The following ZNF37A variants were observed in gnomAD, a reference collection of about 807,000 sequenced individuals.
ZNF37A encodes zinc finger protein 37a (KOX 21).
Under a neutral mutation model 12.3 loss-of-function variants are expected in ZNF37A, and 10 were observed. The ratio of observed to expected loss-of-function variants is 0.82; its 90% confidence interval spans 0.50 to 1.38. The LOEUF is 1.38. ZNF37A is among the 40% of genes most tolerant of loss of function. ZNF37A has a pLI of 0.00. For missense variants in ZNF37A, 580 were observed against 651.2 expected, an observed-to-expected ratio of 0.89 and a Z score of 1.19; for synonymous variants, 207 against 223.0, an observed-to-expected ratio of 0.93 and a Z score of 0.64.
At chr10:38,100,997 A>G (rs987205490) in intron 5 of ZNF37A, among the ~76,000 whole-genome samples, 3 of 152,216 alleles carry the variant, frequency 2.0e-5, no homozygotes, top group African/African-American at 7.2e-5. Flanking sequence ...TTCCTGCAAC[A>G]AAATGTCTGT....
At chr10:38,137,773 A>C (rs2070129252) in intron 7 of ZNF37A, 1 of 152,212 alleles carries the variant, frequency 6.6e-6, no homozygotes, top group African/African-American at 2.4e-5. Flanking sequence ...TGTCCCCTGG[A>C]AGCTGCAAGT....
chr10:38,109,702 A>G (rs12268280), intron 5 of ZNF37A, among the ~76,000 whole-genome samples: 3,688 of 152,298 alleles, frequency 0.024, 107 homozygotes, highest in African/African-American at 0.075. Context: ...CCAATAATAG[A>G]AAAACAGAGA....
chr10:38,112,785 CTTTTCTTTTCT>C (rs1564932474), intron 5 of ZNF37A, among the ~76,000 whole-genome samples: 1,118 of 51,680 alleles, frequency 0.022, 119 homozygotes, highest in African/African-American at 0.048. Flanking sequence ...CTTTTCTTTT[CTTTTCTTTTCT>C]TGTCTTGTCT....
chr10:38,127,408 A>G (rs2069943756), downstream of ZNF37A, among the ~76,000 whole-genome samples: 1 of 152,218 alleles, frequency 6.6e-6, no homozygotes, highest in South Asian at 2.1e-4. Flanking sequence ...ACTAATATAC[A>G]AGTGTTAGAA....
At chr10:38,146,255 C>T (rs2070252409) in intron 7 of ZNF37A, among the ~76,000 whole-genome samples, 1 of 152,110 alleles carries the variant, frequency 6.6e-6, no homozygotes, top group Non-Finnish European at 1.5e-5. Context: ...GCACATTTCC[C>T]TGAGACTTAA....
intron 5 of ZNF37A, among the ~76,000 whole-genome samples, chr10:38,112,737 T>TGGTCTTGGTCTTGGTCTTGGTCTTGG (rs1564931757): frequency 6.9e-5 from 5 of 71,994 alleles, no homozygotes; most frequent in Admixed American, 2.8e-4. Flanking sequence ...TCCATTTTCT[T>TGGTCTTGGTCTTGGTCTTGGTCTTGG]TTCTTTTCTT....
intron 5 of ZNF37A, among the ~76,000 whole-genome samples, chr10:38,112,753 T>TTG (rs2068857397): frequency 1.6e-5 from 1 of 63,854 alleles, no homozygotes; most frequent in African/African-American, 5.6e-5. Context: ...TTCTTTTCTT[T>TTG]TCTTTTCTTT....
intron 5 of ZNF37A, among the ~76,000 whole-genome samples, chr10:38,110,145 A>G (rs1269315914): frequency 2.0e-5 from 3 of 152,224 alleles, no homozygotes; most frequent in Non-Finnish European, 4.4e-5. Flanking sequence ...CAAAACAGAT[A>G]TATAGATCAA....
At chr10:38,144,015 C>A (rs1446100469) in intron 7 of ZNF37A, 1 of 152,142 alleles carries the variant, frequency 6.6e-6, no homozygotes, top group Non-Finnish European at 1.5e-5. Context: ...CGCCTGTGAG[C>A]AGAGATGGGG....
chr10:38,136,312 T>G (rs1295563156), intron 7 of ZNF37A, among the ~76,000 whole-genome samples: 3 of 152,042 alleles, frequency 2.0e-5, no homozygotes, highest in Admixed American at 2.0e-4. Flanking sequence ...CCTGGCTAAT[T>G]TTTTTGCATT....
downstream of ZNF37A, among the ~76,000 whole-genome samples, chr10:38,126,660 T>C (rs2069932596): frequency 6.6e-6 from 1 of 152,212 alleles, no homozygotes; most frequent in African/African-American, 2.4e-5. Flanking sequence ...AAGAACTATG[T>C]TATCCAGTTT....
At chr10:38,106,752 A>C (rs1312714700) in intron 5 of ZNF37A, among the ~76,000 whole-genome samples, 1 of 152,088 alleles carries the variant, frequency 6.6e-6, no homozygotes, top group Non-Finnish European at 1.5e-5. Flanking sequence ...AAGAAAGGAC[A>C]TAAGAGATTG....
intron 7 of ZNF37A, among the ~76,000 whole-genome samples, chr10:38,146,214 A>G (rs2070251767): frequency 6.6e-6 from 1 of 152,228 alleles, no homozygotes; most frequent in African/African-American, 2.4e-5. Flanking sequence ...AGAGCCAGGC[A>G]CATTTCCCTG....
In ZNF37A at chr10:38,131,622, C is replaced by T. The variant is rs182425932; in HGVS notation, c.239-15110C>T. Among the ~76,000 whole-genome samples the T allele has an allele frequency of 1.3e-3, 194 of 152,220 alleles. 1 individual carries two copies. The highest frequency in any genetic ancestry group is 2.1e-3 in the Non-Finnish European group (144 of 67,994). ...GTAGGAGTACCCCAAATTTATTCAT[C>T]TTTCTGAAGATTGTTTTTGCTATTT... is the stretch of plus-strand genomic sequence containing the variant. On this transcript the variant is annotated intron_variant, in intron 7 of 7. Transcript: ENST00000638053.
At position 38,118,101 on chromosome 10, in the gene ZNF37A, A is replaced by T. The variant is rs1399749208; in HGVS notation, c.950A>T (p.His317Leu). The part of the protein sequence containing the change: ...TFYKNSDLIK[H>L]QRIHTGERPY... ...TATAAGAATTCAGACCTCATTAAACATCAAAGAATTCATACAGGGGAGAGA... is the reference window on the plus strand; with the variant it reads ...TATAAGAATTCAGACCTCATTAAACTTCAAAGAATTCATACAGGGGAGAGA... Residue 317 changes from histidine (H) to leucine (L), a missense_variant, in exon 8 of 8, where the codon CAT becomes CTT. Coordinates refer to ENST00000685332, the MANE Select transcript of ZNF37A (RefSeq NM_001324250.3). 4 of 1,613,658 alleles carry T rather than the reference A, an allele frequency of 2.5e-6. No individual in the cohort carries two copies. The African/African-American group carries it at 5.3e-5, about 22-fold the overall frequency.
chr10:38,112,738 T>TCTTGGTCTCGGTCTCGGTC, intron 5 of ZNF37A, among the ~76,000 whole-genome samples: 1 of 58,912 alleles, frequency 1.7e-5, no homozygotes, highest in Non-Finnish European at 3.6e-5. Flanking sequence ...CCATTTTCTT[T>TCTTGGTCTCGGTCTCGGTC]TCTTTTCTTT....
chr10:38,140,962 A>G (rs915664855), intron 7 of ZNF37A: 3 of 152,232 alleles, frequency 2.0e-5, no homozygotes, highest in African/African-American at 7.2e-5. Context: ...CCCATGGAAG[A>G]ATTTCAAATA....
chr10:38,107,267 G>A (rs1031173139), intron 5 of ZNF37A, among the ~76,000 whole-genome samples: 2 of 152,156 alleles, frequency 1.3e-5, no homozygotes, highest in South Asian at 2.1e-4. Flanking sequence ...CTTCATAAGT[G>A]AAGGAGAAAT....
chr10:38,097,509 C>T (rs192997178), intron 5 of ZNF37A, among the ~76,000 whole-genome samples: 18 of 134,450 alleles, frequency 1.3e-4, no homozygotes, highest in Admixed American at 9.6e-4. Flanking sequence ...ACCCAGGAGG[C>T]GGAGGGTGCA....
Sources: allele counts gnomAD v4.1 joint callset (sites outside exome capture counted in the v4.1 genomes callset), GRCh38; gene constraint gnomAD v4.1.1; transcripts MANE v1.5; gene names NCBI Gene and HGNC (gene_info 2026-07-23, HGNC 2026-07-21).